Variants in CLN6 observed in about 807,000 individuals in gnomAD.
The protein encoded by CLN6 is ceroid-lipofuscinosis neuronal protein 6.
CLN6 carries 22 observed loss-of-function variants against 33.3 expected under a neutral mutation model. That is an observed-to-expected ratio of 0.66 (90% CI 0.47 to 0.94). CLN6 has a LOEUF of 0.94. Ranked by LOEUF, CLN6 falls within the 40% of genes least tolerant of loss-of-function variation. The pLI, the probability that CLN6 is intolerant of heterozygous loss-of-function variation, is 0.00. For synonymous variants in CLN6, 201 were observed against 174.6 expected, an observed-to-expected ratio of 1.15 and a Z score of -1.19; for missense variants, 387 against 417.1, an observed-to-expected ratio of 0.93 and a Z score of 0.63.
rs1892417488 is a variant in CLN6 at position 68,254,824 on chromosome 15, G to A, written c.179+1866C>T. On this transcript the variant is annotated intron_variant, in intron 1 of 6. Coordinates refer to the CLN6 transcript ENST00000538696. ...AAAGGGAAAAGCTGAAGCTGGCAAG[G>A]AGGGGAATAACCCTGCAGAAAATGG... The A allele has an allele frequency of 7.2e-6, 8 of 1,114,028 alleles. No individual in the cohort carries two copies. The South Asian group carries it at 9.8e-5, about 14-fold the overall frequency. 69.0% of individuals were successfully genotyped at this position (1,114,028 alleles called of 1,614,324 possible).
intron 1 of CLN6, among the ~76,000 whole-genome samples, chr15:68,226,716 C>T (rs1350779102): frequency 2.0e-5 from 3 of 152,110 alleles, no homozygotes; most frequent in East Asian, 1.9e-4. Context: ...CCGCCCATCT[C>T]GGCCTCCCAA....
At chr15:68,251,171 C>T (rs965946687) in intron 1 of CLN6, among the ~76,000 whole-genome samples, 1 of 152,056 alleles carries the variant, frequency 6.6e-6, no homozygotes, top group African/African-American at 2.4e-5. Context: ...TAGTCCATCA[C>T]ATTAAATGGA....
chr15:68,216,781 T>C (rs747299106), intron 2 of CLN6, among the ~76,000 whole-genome samples: 101 of 152,222 alleles, frequency 6.6e-4, no homozygotes, highest in Non-Finnish European at 1.0e-3. Context: ...TAGAGGAAAC[T>C]GCTGTCTTCT....
At chr15:68,255,036 C>T (rs1248504899) in intron 1 of CLN6, 1 of 640,232 alleles carries the variant, frequency 1.6e-6, no homozygotes, top group African/African-American at 1.8e-5. Flanking sequence ...GCACACAGAA[C>T]ACTTCACTGT....
chr15:68,229,434 A>G, intron 1 of CLN6, 68 bp downstream of exon 1: 1 of 1,248,796 alleles, frequency 8.0e-7, no homozygotes, highest in Non-Finnish European at 1.1e-6. Flanking sequence ...TAGGAGCGTC[A>G]CGTGGCGGGT....
chr15:68,207,848 G>A lies in CLN6; in HGVS notation c.*292C>T. On this transcript the variant is annotated 3_prime_UTR_variant, in exon 7 of 7. Coordinates refer to ENST00000249806, the MANE Select transcript of CLN6 (RefSeq NM_017882.3). ...AGGGAGTGTGGTCAGGTGCAGAGGA[G>A]GGCAGGGGCCCGGATCCTGGCCCAG... is the stretch of plus-strand genomic sequence containing the variant. 2.2e-6 allele frequency: 1 copy of A among 462,984 alleles called. No homozygotes were observed. Among genetic ancestry groups the A allele is most frequent in the Non-Finnish European group, 4.0e-6 (1 of 250,822 alleles). The allele number at this position is 462,984 out of a possible 1,614,324, so 28.7% of individuals were successfully genotyped here. A position where few individuals can be genotyped will look rare whatever the true frequency, so the allele number is the denominator to read the frequency against.
intron 1 of CLN6, among the ~76,000 whole-genome samples, chr15:68,255,550 G>A (rs1228225386): frequency 2.6e-5 from 4 of 152,186 alleles, no homozygotes; most frequent in African/African-American, 7.2e-5. Context: ...CATCAGATGA[G>A]GACTTCATTT....
At chr15:68,235,807 A>T (rs1892215479) in intron 1 of CLN6, among the ~76,000 whole-genome samples, 2 of 152,120 alleles carry the variant, frequency 1.3e-5, no homozygotes, top group Admixed American at 1.3e-4. Context: ...CCAATTATTC[A>T]TTCAACAATG....
At chr15:68,252,964 G>A (rs569927098) in intron 1 of CLN6, among the ~76,000 whole-genome samples, 5 of 152,350 alleles carry the variant, frequency 3.3e-5, no homozygotes, top group African/African-American at 1.2e-4. Context: ...GGGGAATACA[G>A]GTGGATGCAT....
At chr15:68,215,899 G>A (rs1170617478) in intron 2 of CLN6, among the ~76,000 whole-genome samples, 1 of 152,232 alleles carries the variant, frequency 6.6e-6, no homozygotes. Flanking sequence ...TCAGCAGTGG[G>A]ACAGGAAAGG....
At chr15:68,229,019 G>A (rs1486176373) in intron 1 of CLN6, among the ~76,000 whole-genome samples, 1 of 152,176 alleles carries the variant, frequency 6.6e-6, no homozygotes, top group Non-Finnish European at 1.5e-5. Context: ...GGTGCCCCAG[G>A]TCAAGCAGAC....
rs1364058473 is a variant in CLN6, at chr15:68,219,456, A to G, written c.84-806T>C. ...AGAAGCAAGGTGATGTGAGAGACAC[A>G]GCAGGAAGTGGAGTACTGCCTCACG... On this transcript the variant is annotated intron_variant, in intron 1 of 6. Coordinates refer to ENST00000249806, the MANE Select transcript of CLN6 (RefSeq NM_017882.3). This position sits in a 1 kb window ranked among gnomAD's most constrained non-coding sequence, Gnocchi z 4.2. Among the ~76,000 whole-genome samples the G allele has an allele frequency of 1.3e-5, 2 of 152,232 alleles. No individual in the cohort carries two copies. Among genetic ancestry groups the G allele is most frequent in the Non-Finnish European group, 2.9e-5 (2 of 68,046 alleles).
chr15:68,227,234 T>C lies in CLN6; in HGVS notation c.83+2268A>G, dbSNP rs1030970641. Reference sequence around the variant, plus strand: ...TGTATTTTTTAGTAGAGACGGGGATTCTCCATGTTGGCCAGGCTGGTCTCG... The same window carrying C: ...TGTATTTTTTAGTAGAGACGGGGATCCTCCATGTTGGCCAGGCTGGTCTCG... On this transcript the variant is annotated intron_variant, in intron 1 of 6. Transcript: ENST00000249806. This position sits in a 1 kb window ranked among gnomAD's most constrained non-coding sequence, Gnocchi z 4.1. 3.9e-4 allele frequency among the ~76,000 whole-genome samples: 60 copies of C among 152,028 alleles called. 1 individual carries two copies. Among genetic ancestry groups the C allele is most frequent in the South Asian group, 6.5e-4 (3 of 4,630 alleles).
intron 1 of CLN6, among the ~76,000 whole-genome samples, chr15:68,225,788 C>T (rs1358276975): frequency 1.3e-5 from 2 of 151,902 alleles, no homozygotes; most frequent in Non-Finnish European, 2.9e-5. Context: ...GCCTGGCCAA[C>T]ACGGTGAAAC....
At chr15:68,254,967 T>A (rs1210497635) in intron 1 of CLN6, 1 of 853,456 alleles carries the variant, frequency 1.2e-6, no homozygotes, top group East Asian at 2.4e-5. Context: ...TGCTATTTTT[T>A]ATCAAGTTTT....
At chr15:68,218,724 C>A in intron 1 of CLN6, 74 bp from the exon 2 acceptor site, 1 of 1,114,316 alleles carries the variant, frequency 9.0e-7, no homozygotes, top group Non-Finnish European at 1.4e-6. Flanking sequence ...AGATTAGCCA[C>A]AAAGAGGTCT....
In CLN6 at chr15:68,247,002, A is replaced by G. The variant is rs528431936; in HGVS notation, c.179+9688T>C. Among the ~76,000 whole-genome samples, 2 of 152,072 alleles carry G rather than the reference A, an allele frequency of 1.3e-5. No homozygotes were observed. Among genetic ancestry groups the G allele is most frequent in the Non-Finnish European group, 2.9e-5 (2 of 68,018 alleles). ...AAAACCCTGTCTCTATTAAAAATAC[A>G]AAAATTAGCCTGGCGTGGTGGTGCA... On this transcript the variant is annotated intron_variant, in intron 1 of 6. Transcript: ENST00000538696. The surrounding 1 kb of genome is among the most constrained non-coding windows in gnomAD (Gnocchi z 4.2).
intron 1 of CLN6, among the ~76,000 whole-genome samples, chr15:68,237,613 C>T (rs960963261): frequency 6.6e-5 from 10 of 152,090 alleles, no homozygotes; most frequent in African/African-American, 2.2e-4. Context: ...ACCTAAAATG[C>T]AGCACAGGTT....
chr15:68,208,101 C>CCA lies in CLN6; in HGVS notation c.*38_*39insTG. 3 of 1,519,180 alleles carry CCA rather than the reference C, an allele frequency of 2.0e-6. No individual in the cohort carries two copies. The highest frequency in any genetic ancestry group is 2.4e-5 in the East Asian group (1 of 41,616). 94.1% of individuals were successfully genotyped at this position (1,519,180 alleles called of 1,614,324 possible). A position where few individuals can be genotyped will look rare whatever the true frequency, so the allele number is the denominator to read the frequency against. ...ATTCAGATGCCCTCCATGGCCCACC[C>CCA]TCCCACCCAGCAGAGCGCCAGAGCC... On this transcript the variant is annotated 3_prime_UTR_variant, in exon 7 of 7. Coordinates refer to ENST00000249806, the MANE Select transcript of CLN6 (RefSeq NM_017882.3). This position sits in a 1 kb window ranked among gnomAD's most constrained non-coding sequence, Gnocchi z 5.8.
Sources: gnomAD v4.1 joint callset for allele counts (sites outside exome capture counted in the v4.1 genomes callset) on GRCh38, gnomAD v4.1.1 for gene constraint, Gnocchi (gnomAD v3.1) non-coding constraint, MANE v1.5 for transcripts, NCBI Gene and HGNC (gene_info 2026-07-23, HGNC 2026-07-21) for gene names.